AP2B1: variants seen among roughly 807,000 people sequenced by gnomAD.
The protein encoded by AP2B1 is AP-2 complex subunit beta.
A neutral mutation model predicts 102.0 loss-of-function variants in AP2B1; 23 were observed. The ratio of observed to expected loss-of-function variants is 0.23; its 90% CI spans 0.16 to 0.32. AP2B1 has a LOEUF of 0.32. Among genes scored for constraint, AP2B1 ranks in the 10% least tolerant of loss-of-function variants. The probability of loss-of-function intolerance (pLI) is 1.00; values close to 1 mark genes in which losing one functional copy is unlikely to be tolerated. For synonymous variants in AP2B1, 381 were observed against 421.2 expected (o/e 0.90, Z 1.17); for missense variants, 541 against 1,157.4 (o/e 0.47, Z 7.73).
intron 14 of AP2B1, among the ~76,000 whole-genome samples, chr17:35,662,164 G>A (rs1022430761): frequency 6.6e-6 from 1 of 152,130 alleles, no homozygotes; most frequent in African/African-American, 2.4e-5. Flanking sequence ...ATTGATTCTT[G>A]TATGCTTTTT....
intron 18 of AP2B1, among the ~76,000 whole-genome samples, chr17:35,692,791 G>A (rs2076064986): frequency 6.6e-6 from 1 of 152,176 alleles, no homozygotes; most frequent in Non-Finnish European, 1.5e-5. Flanking sequence ...CATAAGGAAT[G>A]TAAAATCTCA....
At position 35,682,764 on chromosome 17, in the gene AP2B1, C is replaced by T. The variant is rs1372208691; in HGVS notation, c.2394C>T (p.Val798=). ...TGATGCCAAACCAGAGCATTGATGT[C>T]TCCCTGCCTCTCAATACCTTGGGCC... ...TPLMPNQSID[V]SLPLNTLGPV... The change falls in exon 18 of 22, where the codon GTC becomes GTT. Residue 798 remains valine (V), a synonymous_variant. Coordinates refer to ENST00000610402, the MANE Select transcript of AP2B1 (RefSeq NM_001030006.2). 1.2e-6 allele frequency: 2 copies of T among 1,613,022 alleles called. No individual in the cohort carries two copies. The highest frequency in any genetic ancestry group is 1.7e-6 in the Non-Finnish European group (2 of 1,179,296).
At chr17:35,701,658 A>G (rs2076241769) in intron 18 of AP2B1, among the ~76,000 whole-genome samples, 1 of 152,206 alleles carries the variant, frequency 6.6e-6, no homozygotes, top group Admixed American at 6.5e-5. Context: ...GCTGGAGTAC[A>G]GTGGTGCAGT....
At chr17:35,592,193 A>G (rs1422789667) in intron 1 of AP2B1, among the ~76,000 whole-genome samples, 1 of 152,076 alleles carries the variant, frequency 6.6e-6, no homozygotes, top group East Asian at 1.9e-4. Flanking sequence ...CATATTTACT[A>G]TTGTTTGCCA....
chr17:35,672,123 AATT>A (rs941068995), intron 16 of AP2B1, among the ~76,000 whole-genome samples: 2 of 152,172 alleles, frequency 1.3e-5, no homozygotes, highest in African/African-American at 4.8e-5. Flanking sequence ...TTGACATATT[AATT>A]ATTTGAGTTT....
At chr17:35,615,065 TC>T (rs2073976243) in intron 5 of AP2B1, among the ~76,000 whole-genome samples, 1 of 152,062 alleles carries the variant, frequency 6.6e-6, no homozygotes, top group African/African-American at 2.4e-5. Flanking sequence ...TACAGGACAG[TC>T]CCCCGACAAC....
chr17:35,652,698 A>C (rs758131425), intron 13 of AP2B1, among the ~76,000 whole-genome samples: 1 of 152,168 alleles, frequency 6.6e-6, no homozygotes, highest in Non-Finnish European at 1.5e-5. Context: ...TTCTTGTAGA[A>C]TCTATAGGAT....
intron 18 of AP2B1, among the ~76,000 whole-genome samples, chr17:35,697,347 T>C (rs1421764451): frequency 3.9e-5 from 6 of 152,260 alleles, no homozygotes; most frequent in Non-Finnish European, 1.5e-5. Flanking sequence ...GGGAATTTTT[T>C]CTGTTGCTAA....
intron 14 of AP2B1, among the ~76,000 whole-genome samples, chr17:35,662,276 T>C (rs992275266): frequency 6.6e-6 from 1 of 152,096 alleles, no homozygotes; most frequent in African/African-American, 2.4e-5. Context: ...TGAAACATCC[T>C]TATTTTTTTA....
rs544720681 is a variant in AP2B1 at position 35,606,096 on chromosome 17, A to G, written c.279+256A>G. On this transcript the variant is annotated intron_variant, in intron 4 of 21. Transcript: ENST00000610402. ...CACTGTTTTACCTTCTGAGGCTGAC[A>G]AAGGTGGGCATATCATTGTACTATC... Among the ~76,000 whole-genome samples, 7 of 152,330 alleles carry G rather than the reference A, an allele frequency of 4.6e-5. No homozygotes were observed. In the South Asian group the frequency reaches 8.3e-4, roughly 18 times the overall value.
chr17:35,610,159 T>TATTTTTG (rs60194933), intron 5 of AP2B1, among the ~76,000 whole-genome samples: 1 of 148,312 alleles, frequency 6.7e-6, no homozygotes, highest in Non-Finnish European at 1.5e-5. Flanking sequence ...TTTTATTTTT[T>TATTTTTG]TTTGAGATGG....
At chr17:35,604,599 A>C (rs1038962511) in intron 3 of AP2B1, among the ~76,000 whole-genome samples, 5 of 152,034 alleles carry the variant, frequency 3.3e-5, no homozygotes, top group Admixed American at 2.6e-4. Flanking sequence ...CTCTACTAAA[A>C]ATATAAAAAT....
intron 12 of AP2B1, among the ~76,000 whole-genome samples, chr17:35,649,204 G>A (rs995660182): frequency 6.6e-6 from 1 of 152,040 alleles, no homozygotes; most frequent in Non-Finnish European, 1.5e-5. Context: ...AGAAGGTATG[G>A]GTACAATATA....
chr17:35,623,913 G>GGAAA (rs1235841847), intron 5 of AP2B1, among the ~76,000 whole-genome samples: 2 of 152,148 alleles, frequency 1.3e-5, no homozygotes, highest in Non-Finnish European at 2.9e-5. Flanking sequence ...GTGAACTAGG[G>GGAAA]TCTCAGGCCC....
rs547923460 is a variant in AP2B1 at position 35,597,342 on chromosome 17, T to A, written c.38-888T>A. 5.3e-5 allele frequency among the ~76,000 whole-genome samples: 8 copies of A among 152,336 alleles called. No individual in the cohort carries two copies. In the East Asian group the frequency reaches 1.5e-3, roughly 29 times the overall value. On this transcript the variant is annotated intron_variant, in intron 2 of 21. Coordinates refer to ENST00000610402, the MANE Select transcript of AP2B1 (RefSeq NM_001030006.2). ...AACAATATTAGGGTTGTTACTTTCTTTTTTATTTTGGTTCCGGCTTCTTGC... is the reference window on the plus strand; with the variant it reads ...AACAATATTAGGGTTGTTACTTTCTATTTTATTTTGGTTCCGGCTTCTTGC...
intron 14 of AP2B1, among the ~76,000 whole-genome samples, chr17:35,662,376 G>A (rs116538535): frequency 1.3e-3 from 197 of 152,230 alleles, no homozygotes; most frequent in African/African-American, 4.4e-3. Context: ...TTGATGTGGA[G>A]TAAATTCAAG....
intron 11 of AP2B1, 24 bp downstream of exon 11, chr17:35,639,784 C>T: frequency 3.7e-6 from 6 of 1,604,986 alleles, no homozygotes; most frequent in Non-Finnish European, 5.1e-6. Context: ...TCTTGTCTAT[C>T]CTAGTAGTTT....
chr17:35,697,734 G>A (rs373718706), intron 18 of AP2B1, among the ~76,000 whole-genome samples: 6 of 152,138 alleles, frequency 3.9e-5, no homozygotes, highest in East Asian at 3.9e-4. Context: ...AGGCTGAGGC[G>A]GCAGATCACT....
intron 3 of AP2B1, among the ~76,000 whole-genome samples, chr17:35,601,389 G>A (rs1349142612): frequency 6.6e-6 from 1 of 152,102 alleles, no homozygotes; most frequent in Non-Finnish European, 1.5e-5. Flanking sequence ...GAGTGCAGTG[G>A]CGCAATCTCG....
Sources: allele counts gnomAD v4.1 joint callset (sites outside exome capture counted in the v4.1 genomes callset), GRCh38; gene constraint gnomAD v4.1.1; transcripts MANE v1.5; gene names NCBI Gene and HGNC (gene_info 2026-07-23, HGNC 2026-07-21).